Variants in FYCO1 observed in about 807,000 individuals in gnomAD.
FYCO1 encodes FYVE and coiled-coil domain-containing protein 1.
A neutral mutation model predicts 165.1 loss-of-function variants in FYCO1; 122 were observed. The ratio of observed to expected loss-of-function variants is 0.74; its 90% CI spans 0.64 to 0.86. The LOEUF is 0.86. FYCO1 is among the 40% of genes least tolerant of loss of function. The pLI, the probability that FYCO1 is intolerant of heterozygous loss-of-function variation, is 0.00. For synonymous variants in FYCO1, 648 were observed against 742.5 expected (o/e 0.87, Z 2.07); for missense variants, 1,702 against 1,810.3 (o/e 0.94, Z 1.09).
chr3:45,964,498 C>A lies in FYCO1; in HGVS notation c.3151-44G>T. The A allele has an allele frequency of 6.2e-7, 1 of 1,611,336 alleles. No homozygotes were observed. Among genetic ancestry groups the A allele is most frequent in the Non-Finnish European group, 8.5e-7 (1 of 1,178,870 alleles). On this transcript the variant is annotated intron_variant, in intron 9 of 17. Coordinates refer to ENST00000296137, the MANE Select transcript of FYCO1 (RefSeq NM_024513.4). This position sits in a 1 kb window ranked among gnomAD's most constrained non-coding sequence, Gnocchi z 4.1. The stretch of plus-strand genomic sequence containing the variant: ...GAGAAGACACTCAGCTTGCAGAAGG[C>A]CATGCAACGTACCATAAAGTGGCTG...
Position 45,967,759 on chromosome 3 carries a change from C to A in FYCO1, c.1575G>T (p.Val525=). The part of the protein sequence containing the change: ...LQFLETQLAQ[V]SQHVSDLEEQ... Reference sequence around the variant, plus strand: ...CCTCCAGGTCACTCACATGTTGGCTCACCTGTGCCAGCTGGGTCTCCAGGA... The same window carrying A: ...CCTCCAGGTCACTCACATGTTGGCTAACCTGTGCCAGCTGGGTCTCCAGGA... Residue 525 remains valine (V), a synonymous_variant, in exon 8 of 18, where the codon GTG becomes GTT. Transcript: ENST00000296137. 1.9e-6 allele frequency: 3 copies of A among 1,613,528 alleles called. No individual in the cohort carries two copies. In the East Asian group the frequency reaches 6.7e-5, roughly 36 times the overall value.
At chr3:45,959,111 T>A (rs563524804) in intron 12 of FYCO1, among the ~76,000 whole-genome samples, 2 of 152,380 alleles carry the variant, frequency 1.3e-5, no homozygotes, top group African/African-American at 4.8e-5. Context: ...ATAGGAATGG[T>A]AGAAGAACTG....
chr3:45,947,484 G>T (rs778081270), intron 14 of FYCO1: 102 of 1,613,890 alleles, frequency 6.3e-5, no homozygotes, highest in Non-Finnish European at 8.3e-5. Flanking sequence ...CCACAATGTG[G>T]AGGCCACCAG....
At chr3:45,984,770 AG>A in intron 2 of FYCO1, 85 bp downstream of exon 2, 4 of 1,375,398 alleles carry the variant, frequency 2.9e-6, no homozygotes, top group Non-Finnish European at 4.2e-6. Context: ...CAAAAATGAA[AG>A]GGTTGAATTT....
chr3:45,924,230 A>G, intron 16 of FYCO1, among the ~76,000 whole-genome samples: 1 of 152,084 alleles, frequency 6.6e-6, no homozygotes, highest in East Asian at 1.9e-4. Context: ...ACTCTCCTCC[A>G]GGCTCGACAT....
intron 14 of FYCO1, among the ~76,000 whole-genome samples, chr3:45,944,443 A>T (rs1704452277): frequency 6.6e-6 from 1 of 152,166 alleles, no homozygotes; most frequent in East Asian, 1.9e-4. Context: ...TACTTCCTAA[A>T]CATTTAAGTA....
intron 2 of FYCO1, among the ~76,000 whole-genome samples, chr3:45,983,854 G>A (rs539047782): frequency 1.2e-4 from 18 of 152,236 alleles, no homozygotes; most frequent in Non-Finnish European, 2.1e-4. Flanking sequence ...CCATGAAATT[G>A]TTAGCTATCA....
intron 2 of FYCO1, among the ~76,000 whole-genome samples, chr3:45,983,038 C>T (rs938883845): frequency 6.6e-6 from 1 of 152,202 alleles, no homozygotes; most frequent in African/African-American, 2.4e-5. Flanking sequence ...ATTTTCAGCT[C>T]TAATCTCTGA....
intron 1 of FYCO1, among the ~76,000 whole-genome samples, chr3:45,991,939 C>T (rs1707580064): frequency 6.6e-6 from 1 of 152,126 alleles, no homozygotes; most frequent in Non-Finnish European, 1.5e-5. Context: ...AAGGGGAATT[C>T]TGGACACACA....
chr3:45,923,503 A>G (rs1302703027), intron 17 of FYCO1, among the ~76,000 whole-genome samples, 153 bp downstream of exon 17: 1 of 152,208 alleles, frequency 6.6e-6, no homozygotes, highest in Non-Finnish European at 1.5e-5. Context: ...TCTCTAAAGA[A>G]CACTGGAACA....
chr3:45,966,735 C>G lies in FYCO1; in HGVS notation c.2599G>C (p.Glu867Gln), dbSNP rs764212673. ...TCCTGCAGGGCCCGCAGCTCCTCCTCCCTCTGCTGGGCCTCATCGGCCCTC... is the reference window on the plus strand; with the variant it reads ...TCCTGCAGGGCCCGCAGCTCCTCCTGCCTCTGCTGGGCCTCATCGGCCCTC... Reference protein sequence around the residue: ...EERADEAQQREEELRALQEEL... With the variant: ...EERADEAQQRQEELRALQEEL... The change falls in exon 8 of 18, where the codon GAG becomes CAG. Residue 867 changes from glutamate (E) to glutamine (Q), a missense_variant. By Grantham distance (29) the Glu-to-Gln change is conservative (BLOSUM62 2). Transcript: ENST00000296137. The G allele has an allele frequency of 6.2e-6, 10 of 1,611,878 alleles. No homozygotes were observed. The highest frequency in any genetic ancestry group is 1.3e-5 in the African/African-American group (1 of 74,942).
intron 9 of FYCO1, 30 bp downstream of exon 9, chr3:45,965,003 C>T (rs748307262): frequency 2.5e-6 from 4 of 1,584,744 alleles, no homozygotes; most frequent in Non-Finnish European, 3.5e-6. Context: ...GATGCCCTCT[C>T]CCTGACAGGT....
intron 6 of FYCO1, among the ~76,000 whole-genome samples, chr3:45,970,899 A>G (rs71325098): frequency 0.089 from 13,460 of 151,894 alleles, 983 homozygotes; most frequent in South Asian, 0.34. Flanking sequence ...ATATATACAT[A>G]TATAAAATAT....
At position 45,966,667 on chromosome 3, in the gene FYCO1, C is replaced by T; in HGVS notation, c.2667G>A (p.Leu889=). The change falls in exon 8 of 18, where the codon CTG becomes CTA. Residue 889 remains leucine (L), a synonymous_variant. Coordinates refer to ENST00000296137, the MANE Select transcript of FYCO1 (RefSeq NM_024513.4). The part of the protein sequence containing the change: ...QAKCSSEEAQ[L]EHAELQEQLH... Reference sequence around the variant, plus strand: ...GCTGCTCTTGCAGCTCAGCGTGCTCCAGCTGTGCTTCCTCGGAGCTGCATT... The same window carrying T: ...GCTGCTCTTGCAGCTCAGCGTGCTCTAGCTGTGCTTCCTCGGAGCTGCATT... 1 of 1,614,108 alleles carries T rather than the reference C, an allele frequency of 6.2e-7. No homozygotes were observed. Among genetic ancestry groups the T allele is most frequent in the East Asian group, 2.2e-5 (1 of 44,884 alleles).
intron 7 of FYCO1, 92 bp downstream of exon 7, chr3:45,969,583 G>T: frequency 1.1e-6 from 1 of 943,254 alleles, no homozygotes; most frequent in Non-Finnish European, 1.7e-6. Context: ...GGAACAACGG[G>T]CATCTGAGAA....
At position 45,958,479 on chromosome 3, in the gene FYCO1, C is replaced by A. The variant is rs779665916; in HGVS notation, c.3728G>T (p.Gly1243Val). ...GPGSPDSSGSGTSQGEPSPAL... is the reference protein window; with the variant it reads ...GPGSPDSSGSVTSQGEPSPAL... ...AGGGCTGGGCTCTCCCTGGCTAGTG[C>A]CTGAGCCACTGCTATCAGGGGAGCC... Residue 1243 changes from glycine to valine, a missense_variant, in exon 13 of 18, where the codon GGC (glycine) becomes GTC (valine). By Grantham distance (109) the Gly-to-Val change is moderately radical. Transcript: ENST00000296137. 3.1e-6 allele frequency: 5 copies of A among 1,613,802 alleles called. No homozygotes were observed. The East Asian group carries it at 1.1e-4, about 36-fold the overall frequency.
intron 1 of FYCO1, among the ~76,000 whole-genome samples, 179 bp downstream of exon 1, chr3:45,995,543 G>T (rs1281218457): frequency 6.6e-6 from 1 of 152,258 alleles, no homozygotes; most frequent in Admixed American, 6.5e-5. Context: ...TGCCCGAGGT[G>T]CTTCCCGGCC....
In FYCO1 at chr3:45,955,378, T is replaced by C. The variant is rs745817481; in HGVS notation, c.3815A>G (p.Tyr1272Cys). The C allele has an allele frequency of 5.0e-6, 8 of 1,614,184 alleles. 1 individual carries two copies. In the South Asian group the frequency reaches 8.8e-5, roughly 18 times the overall value. ...ATGGQGANTD[Y>C]RPPDDAVFDI... The stretch of plus-strand genomic sequence containing the variant: ...AAACACAGCGTCGTCCGGTGGCCTG[T>C]AGTCTGTATTTGCTCCTGGGCAGCA... Residue 1272 changes from tyrosine (Y) to cysteine (C), a missense_variant, in exon 14 of 18, where the codon TAC becomes TGC. Tyr to Cys is a radical substitution (Grantham distance 194). Transcript: ENST00000296137.
In FYCO1 at chr3:45,925,181, G is replaced by T. The variant is rs556975980; in HGVS notation, c.4252-1416C>A. Among the ~76,000 whole-genome samples, 7 of 151,682 alleles carry T rather than the reference G, an allele frequency of 4.6e-5. No homozygotes were observed. In the East Asian group the frequency reaches 1.4e-3, roughly 29 times the overall value. The stretch of plus-strand genomic sequence containing the variant: ...CTGACCTAGTGATTCACCCGCCTCG[G>T]CCTCCCAAAGTGCTGGGATTACAGG... On this transcript the variant is annotated intron_variant, in intron 16 of 17. Coordinates refer to ENST00000296137, the MANE Select transcript of FYCO1 (RefSeq NM_024513.4).
Sources: allele counts gnomAD v4.1 joint callset (sites outside exome capture counted in the v4.1 genomes callset), GRCh38; gene constraint gnomAD v4.1.1; non-coding constraint Gnocchi (gnomAD v3.1); transcripts MANE v1.5; gene names NCBI Gene and HGNC (gene_info 2026-07-23, HGNC 2026-07-21).